The following SLC31A1 variants were observed in gnomAD, a reference collection of about 807,000 sequenced individuals.
The protein encoded by SLC31A1 is high affinity copper uptake protein 1.
In SLC31A1, 5 loss-of-function variants were observed where a neutral mutation model predicts 17.2. That is an observed-to-expected ratio of 0.29 (90% CI 0.15 to 0.61). The LOEUF (loss-of-function observed/expected upper bound fraction) is 0.61, where lower values mean the gene tolerates loss of function less well. Ranked by LOEUF, SLC31A1 falls within the 20% of genes least tolerant of loss-of-function variation. The pLI is 0.86. For synonymous variants in SLC31A1, 76 were observed against 78.8 expected (o/e 0.96, Z 0.19); for missense variants, 161 against 241.4 (o/e 0.67, Z 2.21).
At chr9:113,250,467 G>A (rs1831636441) in intron 1 of SLC31A1, among the ~76,000 whole-genome samples, 2 of 146,878 alleles carry the variant, frequency 1.4e-5, no homozygotes, top group Admixed American at 1.4e-4. Context: ...TTATAGGTGG[G>A]AATTGAACAA....
At chr9:113,238,595 C>G (rs775960167) in intron 1 of SLC31A1, among the ~76,000 whole-genome samples, 20 of 152,144 alleles carry the variant, frequency 1.3e-4, no homozygotes, top group Non-Finnish European at 2.5e-4. Context: ...AACCCTGTTT[C>G]TACTAAAAAT....
chr9:113,245,559 T>C (rs904080388), intron 1 of SLC31A1, among the ~76,000 whole-genome samples: 2 of 152,116 alleles, frequency 1.3e-5, no homozygotes, highest in African/African-American at 4.8e-5. Context: ...TTTATCAAAT[T>C]GTATTTCCCC....
intron 1 of SLC31A1, among the ~76,000 whole-genome samples, chr9:113,248,915 T>C (rs1348321642): frequency 6.6e-6 from 1 of 152,178 alleles, no homozygotes; most frequent in East Asian, 1.9e-4. Context: ...AGTTCACTCA[T>C]TGGATTTTCC....
At chr9:113,222,474 G>A (rs1587984424) in intron 1 of SLC31A1, among the ~76,000 whole-genome samples, 1 of 152,120 alleles carries the variant, frequency 6.6e-6, no homozygotes, top group South Asian at 2.1e-4. Context: ...ACAATCCTGG[G>A]GTAGTCCTGG....
At chr9:113,226,598 A>C (rs1213183572) in intron 1 of SLC31A1, among the ~76,000 whole-genome samples, 1 of 152,082 alleles carries the variant, frequency 6.6e-6, no homozygotes, top group Non-Finnish European at 1.5e-5. Flanking sequence ...AGAAGGGTCC[A>C]CCCTACCTCT....
chr9:113,226,165 A>G (rs921418556), intron 1 of SLC31A1, among the ~76,000 whole-genome samples: 2 of 152,052 alleles, frequency 1.3e-5, no homozygotes, highest in African/African-American at 4.8e-5. Context: ...TAAAGAAAGC[A>G]AAGTGTTTAC....
At chr9:113,241,454 T>C (rs539590363) in intron 1 of SLC31A1, among the ~76,000 whole-genome samples, 1 of 152,330 alleles carries the variant, frequency 6.6e-6, no homozygotes, top group African/African-American at 2.4e-5. Flanking sequence ...TCCTTATATT[T>C]CTGGAAGGGA....
At position 113,256,125 on chromosome 9, in the gene SLC31A1, G is replaced by T; in HGVS notation, c.-24G>T. ...CTTTCTCTTAAAAGAATCTTCTGCTGACTCTCAACTTTTCCTGGAAAAAAT... is the reference window on the plus strand; with the variant it reads ...CTTTCTCTTAAAAGAATCTTCTGCTTACTCTCAACTTTTCCTGGAAAAAAT... On this transcript the variant is annotated 5_prime_UTR_variant, in exon 2 of 5. Transcript: ENST00000374212. The T allele has an allele frequency of 6.2e-7, 1 of 1,610,570 alleles. No individual in the cohort carries two copies. Among genetic ancestry groups the T allele is most frequent in the South Asian group, 1.1e-5 (1 of 90,926 alleles).
At position 113,264,132 on chromosome 9, in the gene SLC31A1, G is replaced by A. The variant is rs2118528276; in HGVS notation, c.*3659G>A. ...AGTTTGAGACCAGCCTGGCCAATGT[G>A]GTGAAACCCCATCTCTACTAAAAAT... On this transcript the variant is annotated 3_prime_UTR_variant, in exon 5 of 5. Coordinates refer to ENST00000374212, the MANE Select transcript of SLC31A1 (RefSeq NM_001859.4). 6.6e-6 allele frequency: 1 copy of A among 152,348 alleles called. No individual in the cohort carries two copies. Among genetic ancestry groups the A allele is most frequent in the Admixed American group, 6.5e-5 (1 of 15,294 alleles). The allele number at this position is 152,348 out of a possible 1,614,324, so 9.4% of individuals were successfully genotyped here.
At chr9:113,251,411 G>A (rs1831650825) in intron 1 of SLC31A1, among the ~76,000 whole-genome samples, 1 of 151,562 alleles carries the variant, frequency 6.6e-6, no homozygotes, top group East Asian at 1.9e-4. Context: ...GACAGAGTGA[G>A]ACTCTATCTA....
At chr9:113,242,207 G>A (rs565475231) in intron 1 of SLC31A1, among the ~76,000 whole-genome samples, 68 of 152,272 alleles carry the variant, frequency 4.5e-4, no homozygotes, top group Non-Finnish European at 7.4e-4. Flanking sequence ...AAAACTAGAC[G>A]TTGGAGTATG....
chr9:113,251,729 C>T (rs368363589), intron 1 of SLC31A1, among the ~76,000 whole-genome samples: 3 of 152,226 alleles, frequency 2.0e-5, no homozygotes, highest in East Asian at 3.9e-4. Context: ...ATTTATTATG[C>T]TTTAATAATT....
chr9:113,253,958 CTTTTT>C (rs397967653), intron 1 of SLC31A1, among the ~76,000 whole-genome samples: 1 of 110,416 alleles, frequency 9.1e-6, no homozygotes, highest in Non-Finnish European at 1.8e-5. Context: ...TACCCACAGT[CTTTTT>C]TTTTTTTTTT....
At chr9:113,234,145 C>A (rs1407618070) in intron 1 of SLC31A1, among the ~76,000 whole-genome samples, 2 of 152,082 alleles carry the variant, frequency 1.3e-5, no homozygotes, top group Non-Finnish European at 2.9e-5. Flanking sequence ...GTAGGATCAA[C>A]TTTTTTGGCT....
intron 1 of SLC31A1, among the ~76,000 whole-genome samples, chr9:113,249,341 TTC>T (rs1272832223): frequency 6.6e-6 from 1 of 150,412 alleles, no homozygotes; most frequent in African/African-American, 2.4e-5. Flanking sequence ...AGTACAGTAA[TTC>T]TAATCTTTCT....
chr9:113,253,233 G>A (rs1157754512), intron 1 of SLC31A1, among the ~76,000 whole-genome samples: 1 of 152,124 alleles, frequency 6.6e-6, no homozygotes, highest in Non-Finnish European at 1.5e-5. Context: ...CGGATTACAA[G>A]CGTGAGCCAC....
intron 1 of SLC31A1, chr9:113,223,206 C>T (rs567725421): frequency 2.5e-4 from 110 of 444,504 alleles, no homozygotes; most frequent in Non-Finnish European, 4.0e-4. Flanking sequence ...TGGAACATCA[C>T]GAACATGCAT....
At chr9:113,254,486 T>G (rs1831697350) in intron 1 of SLC31A1, among the ~76,000 whole-genome samples, 1 of 152,150 alleles carries the variant, frequency 6.6e-6, no homozygotes, top group South Asian at 2.1e-4. Context: ...TTGGAATTTT[T>G]AAAACCACTT....
intron 1 of SLC31A1, among the ~76,000 whole-genome samples, chr9:113,251,677 C>A (rs780755322): frequency 5.1e-4 from 78 of 152,244 alleles, no homozygotes; most frequent in Admixed American, 3.3e-3. Flanking sequence ...CAGCACATCA[C>A]TGAAAATTTA....
Sources: gnomAD v4.1 joint callset for allele counts (sites outside exome capture counted in the v4.1 genomes callset) on GRCh38, gnomAD v4.1.1 for gene constraint, MANE v1.5 for transcripts, NCBI Gene and HGNC (gene_info 2026-07-23, HGNC 2026-07-21) for gene names.